The following CSMD3 variants were observed in gnomAD, a reference collection of about 807,000 sequenced individuals.
CSMD3 encodes the protein CUB and Sushi multiple domains 3.
In CSMD3, 177 loss-of-function variants were observed where a neutral mutation model predicts 435.2. The ratio of observed to expected loss-of-function variants is 0.41; its 90% CI spans 0.36 to 0.46. The LOEUF (loss-of-function observed/expected upper bound fraction) is 0.46, where lower values mean the gene tolerates loss of function less well. Among genes scored for constraint, CSMD3 ranks in the 20% least tolerant of loss-of-function variants. The pLI is 0.34. For missense variants in CSMD3, 4,265 were observed against 4,504.6 expected (o/e 0.95, Z 1.52); for synonymous variants, 1,656 against 1,520.5 (o/e 1.09, Z -2.07).
rs1824611133 is a variant in CSMD3 at position 112,336,820 on chromosome 8, C to T, written c.6851G>A (p.Gly2284Asp). Residue 2284 changes from glycine to aspartate, a missense_variant, in exon 44 of 71, where the codon GGT becomes GAT. Transcript: ENST00000297405. ...HPLPRCEALC[G>D]GNITAMNGTI... ...GCCATTCATTGCAGTTATATTCCCA[C>T]CACAAAGAGCTACGGAAAAAGTCAC... The T allele has an allele frequency of 1.2e-6, 2 of 1,612,098 alleles. No homozygotes were observed. The highest frequency in any genetic ancestry group is 1.7e-6 in the Non-Finnish European group (2 of 1,178,394).
intron 3 of CSMD3, among the ~76,000 whole-genome samples, chr8:113,264,895 C>A (rs991344270): frequency 6.6e-6 from 1 of 151,432 alleles, no homozygotes; most frequent in Admixed American, 6.6e-5. Flanking sequence ...CATTACTAAT[C>A]AATTTTTTTG....
At chr8:112,318,986 A>T (rs2130861861) in intron 46 of CSMD3, 36 bp from the exon 47 acceptor site, 1 of 1,139,710 alleles carries the variant, frequency 8.8e-7, no homozygotes, top group Non-Finnish European at 1.3e-6. Context: ...CATATAAGCA[A>T]CAAGGTGATG....
Position 112,295,859 on chromosome 8 carries a change from C to A in CSMD3, c.8588G>T (p.Trp2863Leu), listed in dbSNP as rs1234760219. 1 of 1,613,752 alleles carries A rather than the reference C, an allele frequency of 6.2e-7. No individual in the cohort carries two copies. Among genetic ancestry groups the A allele is most frequent in the Non-Finnish European group, 8.5e-7 (1 of 1,179,946 alleles). Residue 2863 changes from tryptophan to leucine, a missense_variant, in exon 54 of 71, where the codon TGG becomes TTG. Around this residue, in one of 3 missense-constraint regions of CSMD3, gnomAD observed 3,255 missense variants for 3,380.2 expected, o/e 0.96. Coordinates refer to ENST00000297405, the MANE Select transcript of CSMD3 (RefSeq NM_198123.2). ...CACACAGGATGGGAGCTGACCAGACCAATTGTGATCCTGTTGACATATCCT... is the reference window on the plus strand; with the variant it reads ...CACACAGGATGGGAGCTGACCAGACAAATTGTGATCCTGTTGACATATCCT... ...SVRICQQDHN[W>L]SGQLPSCVPV...
chr8:113,344,270 C>T (rs1054769740), intron 1 of CSMD3, among the ~76,000 whole-genome samples: 8 of 152,072 alleles, frequency 5.3e-5, no homozygotes, highest in African/African-American at 1.9e-4. Context: ...AAGCCTAAAA[C>T]CAAATTTTTC....
At chr8:112,597,550 C>G (rs1290890643) in intron 22 of CSMD3, among the ~76,000 whole-genome samples, 1 of 120,276 alleles carries the variant, frequency 8.3e-6, no homozygotes, top group Non-Finnish European at 1.7e-5. Context: ...CAAAGCCAGG[C>G]AGAGACACAA....
chr8:112,479,090 C>T (rs1819368718), intron 31 of CSMD3, among the ~76,000 whole-genome samples: 1 of 152,152 alleles, frequency 6.6e-6, no homozygotes, highest in African/African-American at 2.4e-5. Context: ...AGTACAAGAG[C>T]TAGGGAACTA....
At chr8:113,304,914 TAAAA>T (rs71281210) in intron 2 of CSMD3, among the ~76,000 whole-genome samples, 4 of 119,776 alleles carry the variant, frequency 3.3e-5, no homozygotes, top group African/African-American at 9.3e-5. Flanking sequence ...TAAAGTATAA[TAAAA>T]AAAAAAAAAA....
intron 61 of CSMD3, among the ~76,000 whole-genome samples, chr8:112,263,393 G>T (rs1816627468): frequency 6.6e-6 from 1 of 152,104 alleles, no homozygotes; most frequent in South Asian, 2.1e-4. Context: ...ATTTAAGGCT[G>T]TCTCTAATTT....
chr8:112,761,627 T>G (rs1183169055), intron 13 of CSMD3, among the ~76,000 whole-genome samples: 1 of 150,818 alleles, frequency 6.6e-6, no homozygotes, highest in East Asian at 1.9e-4. Flanking sequence ...TTACAAAAAG[T>G]TTTTTTTTAA....
rs189988419 is a variant in CSMD3, at chr8:112,584,334, A to T, written c.3885+2732T>A. Among the ~76,000 whole-genome samples, 251 of 151,706 alleles carry T rather than the reference A, an allele frequency of 1.7e-3. 3 individuals carry two copies. The highest frequency in any genetic ancestry group is 5.8e-3 in the African/African-American group (241 of 41,472). ...GGAGGCGTGCCAGTAATCAAAACTT[A>T]AAAAAAATCTAGAGGAGTCATATGA... On this transcript the variant is annotated intron_variant, in intron 23 of 70. Coordinates refer to ENST00000297405, the MANE Select transcript of CSMD3 (RefSeq NM_198123.2).
chr8:112,343,686 G>T (rs1236039762), intron 41 of CSMD3, among the ~76,000 whole-genome samples: 1 of 151,762 alleles, frequency 6.6e-6, no homozygotes. Flanking sequence ...TAAAGACAGG[G>T]TGGCCCAGCT....
intron 5 of CSMD3, among the ~76,000 whole-genome samples, chr8:113,079,867 G>T (rs998762920): frequency 2.0e-5 from 3 of 152,060 alleles, no homozygotes; most frequent in African/African-American, 7.2e-5. Flanking sequence ...AATAAAATAC[G>T]CAAAGTCATA....
At chr8:112,539,456 A>G (rs1563677925) in intron 27 of CSMD3, 1 of 152,152 alleles carries the variant, frequency 6.6e-6, no homozygotes, top group African/African-American at 2.4e-5. Context: ...GTGAATAACT[A>G]AAGCAATTTG....
chr8:113,155,807 G>C (rs148369577), intron 4 of CSMD3, among the ~76,000 whole-genome samples: 217 of 152,130 alleles, frequency 1.4e-3, no homozygotes, highest in African/African-American at 4.9e-3. Context: ...GATATATTCA[G>C]TATGTAACTG....
chr8:113,303,483 G>C (rs910272030), intron 2 of CSMD3, among the ~76,000 whole-genome samples: 1 of 151,780 alleles, frequency 6.6e-6, no homozygotes, highest in African/African-American at 2.4e-5. Flanking sequence ...AACAAAGCTG[G>C]AGGCATCATG....
At chr8:113,280,671 CTTGG>C (rs1563646373) in intron 2 of CSMD3, among the ~76,000 whole-genome samples, 2 of 151,766 alleles carry the variant, frequency 1.3e-5, no homozygotes, top group African/African-American at 4.8e-5. Flanking sequence ...CTGCTCTGAT[CTTGG>C]TTATTTCCTT....
chr8:112,611,139 C>G (rs1381582528), intron 22 of CSMD3, among the ~76,000 whole-genome samples: 1 of 152,086 alleles, frequency 6.6e-6, no homozygotes, highest in Non-Finnish European at 1.5e-5. Flanking sequence ...AATTTTAGCT[C>G]AAGTGTTTGA....
intron 11 of CSMD3, among the ~76,000 whole-genome samples, chr8:112,850,254 G>A (rs1403729085): frequency 6.6e-6 from 1 of 152,102 alleles, no homozygotes; most frequent in Non-Finnish European, 1.5e-5. Flanking sequence ...ATGACATGAG[G>A]AGTGTATTAG....
At chr8:112,256,410 C>T (rs926748481) in intron 61 of CSMD3, among the ~76,000 whole-genome samples, 1 of 152,024 alleles carries the variant, frequency 6.6e-6, no homozygotes, top group African/African-American at 2.4e-5. Flanking sequence ...GTGTCTCTCA[C>T]TGAGAAAAGA....
Sources: allele counts gnomAD v4.1 joint callset (sites outside exome capture counted in the v4.1 genomes callset), GRCh38; gene constraint gnomAD v4.1.1; regional missense constraint gnomAD v4.1.1; transcripts MANE v1.5; gene names NCBI Gene and HGNC (gene_info 2026-07-23, HGNC 2026-07-21).